The following CDK18 variants were observed in gnomAD, a reference collection of about 807,000 sequenced individuals.
CDK18 encodes cyclin dependent kinase 18, also known as cyclin-dependent kinase 18.
A neutral mutation model predicts 62.0 loss-of-function variants in CDK18; 52 were observed. The observed-to-expected ratio is 0.84, with a 90% CI of 0.67 to 1.06. The LOEUF is 1.06. Among genes scored for constraint, CDK18 ranks in the 50% least tolerant of loss-of-function variants. The pLI, the probability that CDK18 is intolerant of heterozygous loss-of-function variation, is 0.00. For synonymous variants in CDK18, 237 were observed against 247.0 expected, an observed-to-expected ratio of 0.96 and a Z score of 0.38; for missense variants, 604 against 619.9, an observed-to-expected ratio of 0.97 and a Z score of 0.27.
rs73074319 is a variant in CDK18, at chr1:205,525,203, G to T, written c.456+8G>T. The T allele has an allele frequency of 5.6e-6, 9 of 1,605,984 alleles. No individual in the cohort carries two copies. Among genetic ancestry groups the T allele is most frequent in the South Asian group, 1.1e-5 (1 of 90,404 alleles). ...CTGGACAAACTGGGAGAGGTAAGAC[G>T]CTGGGTTTGGTCTTCTCCGAATAGC... On this transcript the variant is annotated splice_region_variant and intron_variant, in intron 5 of 15. Coordinates refer to ENST00000429964, the MANE Select transcript of CDK18 (RefSeq NM_212502.3).
intron 1 of CDK18, among the ~76,000 whole-genome samples, chr1:205,507,015 C>A (rs529062971): frequency 6.6e-6 from 1 of 152,200 alleles, no homozygotes; most frequent in Non-Finnish European, 1.5e-5. Context: ...CCTACTTGGG[C>A]CGTCCCGCAC....
At chr1:205,520,116 A>G (rs1473915527) in intron 1 of CDK18, among the ~76,000 whole-genome samples, 1 of 151,772 alleles carries the variant, frequency 6.6e-6, no homozygotes. Context: ...CTTCCAGGAC[A>G]GAGAGACTTC....
At chr1:205,510,178 C>T (rs534836532) in intron 1 of CDK18, among the ~76,000 whole-genome samples, 2 of 152,132 alleles carry the variant, frequency 1.3e-5, no homozygotes, top group East Asian at 3.9e-4. Context: ...GATTACTGCC[C>T]TCACACCTTG....
Position 205,528,796 on chromosome 1 carries a change from G to A in CDK18, c.975-203G>A. On this transcript the variant is annotated intron_variant, in intron 10 of 15. Transcript: ENST00000429964. The surrounding 1 kb of genome is among the most constrained non-coding windows in gnomAD (Gnocchi z 4.2). Reference sequence around the variant, plus strand: ...AGAGTGAAAGTCGCAGCTTTCCCGAGCCCAGGGAAGCCCCCCAGAGAGGGG... The same window carrying A: ...AGAGTGAAAGTCGCAGCTTTCCCGAACCCAGGGAAGCCCCCCAGAGAGGGG... 1 of 471,782 alleles carries A rather than the reference G, an allele frequency of 2.1e-6. No individual in the cohort carries two copies. Among genetic ancestry groups the A allele is most frequent in the East Asian group, 3.2e-5 (1 of 31,664 alleles). The allele number at this position is 471,782 out of a possible 1,614,324, so 29.2% of individuals were successfully genotyped here. A position where few individuals can be genotyped will look rare whatever the true frequency, so the allele number is the denominator to read the frequency against.
chr1:205,529,228 C>T (rs1199984525), intron 11 of CDK18, 96 bp from the exon 12 acceptor site: 2 of 1,368,818 alleles, frequency 1.5e-6, no homozygotes, highest in East Asian at 4.8e-5. Context: ...GTGGCCTCGG[C>T]CATCTTTGCT....
chr1:205,531,574 T>G lies in CDK18; in HGVS notation c.*196T>G. ...GTGTGCCTCCCCAGTAGCCCTCACC[T>G]GCATACCAACCCCTCCTTTACCCAC... On this transcript the variant is annotated 3_prime_UTR_variant, in exon 16 of 16. Coordinates refer to ENST00000429964, the MANE Select transcript of CDK18 (RefSeq NM_212502.3). 1 of 606,430 alleles carries G rather than the reference T, an allele frequency of 1.6e-6. No homozygotes were observed. The highest frequency in any genetic ancestry group is 1.9e-5 in the South Asian group (1 of 52,078). 37.6% of individuals were successfully genotyped at this position (606,430 alleles called of 1,614,324 possible).
chr1:205,517,761 C>G lies in CDK18; in HGVS notation c.-21-5386C>G, dbSNP rs748178933. On this transcript the variant is annotated intron_variant, in intron 1 of 15. Transcript: ENST00000429964. This position sits in a 1 kb window ranked among gnomAD's most constrained non-coding sequence, Gnocchi z 4.1. ...ACTTCTCACCATCTCCACTGCCCCC[C>G]GCTGGTCCCAGCCACCATCAAGCTC... Among the ~76,000 whole-genome samples, 3 of 152,036 alleles carry G rather than the reference C, an allele frequency of 2.0e-5. No homozygotes were observed. Among genetic ancestry groups the G allele is most frequent in the African/African-American group, 4.8e-5 (2 of 41,386 alleles).
chr1:205,529,950 C>T lies in CDK18; in HGVS notation c.1222-309C>T. ...ATGAAGGGTTGTTATCGGCACTACG[C>T]TTCCTGTTACGGATGTTCTCCATCT... On this transcript the variant is annotated intron_variant, in intron 13 of 15. Coordinates refer to ENST00000429964, the MANE Select transcript of CDK18 (RefSeq NM_212502.3). 3 of 1,380,320 alleles carry T rather than the reference C, an allele frequency of 2.2e-6. No homozygotes were observed. In the East Asian group the frequency reaches 8.4e-5, roughly 39 times the overall value. 85.5% of individuals were successfully genotyped at this position (1,380,320 alleles called of 1,614,324 possible).
chr1:205,526,271 C>A, intron 6 of CDK18, 92 bp downstream of exon 6: 1 of 1,462,532 alleles, frequency 6.8e-7, no homozygotes, highest in Non-Finnish European at 9.6e-7. Flanking sequence ...GGTAGAGGAT[C>A]ATTGCTGGAA....
intron 5 of CDK18, 98 bp from the exon 6 acceptor site, chr1:205,525,967 C>A: frequency 1.3e-6 from 1 of 789,240 alleles, no homozygotes; most frequent in Non-Finnish European, 2.1e-6. Context: ...GCACTCAGGC[C>A]CCAGTCGTAG....
In CDK18 at chr1:205,526,347, G is replaced by A. The variant is rs759029921; in HGVS notation, c.572-20G>A. ...GACACATGGGGTCCTAGGGACCCAGGTGGATCTGTCTCCTCACAGTGTCTC... is the reference window on the plus strand; with the variant it reads ...GACACATGGGGTCCTAGGGACCCAGATGGATCTGTCTCCTCACAGTGTCTC... On this transcript the variant is annotated intron_variant, in intron 6 of 15. Coordinates refer to ENST00000429964, the MANE Select transcript of CDK18 (RefSeq NM_212502.3). The A allele has an allele frequency of 3.1e-6, 5 of 1,603,306 alleles. No individual in the cohort carries two copies. The highest frequency in any genetic ancestry group is 3.4e-6 in the Non-Finnish European group (4 of 1,170,262).
At chr1:205,510,105 T>C (rs1667496245) in intron 1 of CDK18, among the ~76,000 whole-genome samples, 1 of 151,250 alleles carries the variant, frequency 6.6e-6, no homozygotes, top group South Asian at 2.1e-4. Flanking sequence ...ATTTCTACCC[T>C]CCCTCACTCT....
chr1:205,530,833 G>A (rs1475008129), intron 15 of CDK18, 128 bp downstream of exon 15: 2 of 742,470 alleles, frequency 2.7e-6, no homozygotes, highest in Non-Finnish European at 4.7e-6. Context: ...GGGGAGCAGA[G>A]AAGGGGTTGG....
At chr1:205,521,582 T>TG (rs1668129493) in intron 1 of CDK18, among the ~76,000 whole-genome samples, 1 of 152,158 alleles carries the variant, frequency 6.6e-6, no homozygotes, top group Non-Finnish European at 1.5e-5. Context: ...TGCCTAGCAC[T>TG]GCAGACCCGA....
chr1:205,507,983 G>A (rs1667393778), intron 1 of CDK18, among the ~76,000 whole-genome samples: 1 of 152,212 alleles, frequency 6.6e-6, no homozygotes, highest in African/African-American at 2.4e-5. Context: ...GGCAGGCACT[G>A]GGAGCTGGAG....
In CDK18 at chr1:205,526,164, A is replaced by T. The variant is rs1247092721; in HGVS notation, c.556A>T (p.Thr186Ser). Residue 186 changes from threonine (T) to serine (S), a missense_variant, in exon 6 of 16, where the codon ACT becomes TCT. Thr to Ser is a moderately conservative substitution (Grantham distance 58, BLOSUM62 1). Transcript: ENST00000429964. ...RLEHEEGAPC[T>S]AIREVSLLKN... ...GGAGCACGAGGAGGGAGCGCCCTGC[A>T]CTGCCATCCGAGAGGGTACAGCATC... is the stretch of plus-strand genomic sequence containing the variant. The T allele has an allele frequency of 9.9e-6, 16 of 1,613,626 alleles. No homozygotes were observed. Among genetic ancestry groups the T allele is most frequent in the South Asian group, 7.7e-5 (7 of 91,042 alleles).
intron 1 of CDK18, among the ~76,000 whole-genome samples, chr1:205,513,253 G>A (rs1213991937): frequency 6.6e-6 from 1 of 152,226 alleles, no homozygotes; most frequent in Non-Finnish European, 1.5e-5. Flanking sequence ...GGGCTCCTCT[G>A]GCTGGGAGAG....
rs749808161 is a variant in CDK18, at chr1:205,526,814, C to G, written c.706C>G (p.Leu236Val). ...GCAGTATCTGGACCACTGTGGGAAC[C>G]TCATGAGCATGCACAACGTCAAGGT... ...LKQYLDHCGN[L>V]MSMHNVKIFM... Residue 236 changes from leucine to valine, a missense_variant, in exon 8 of 16, where the codon CTC (leucine) becomes GTC (valine). Transcript: ENST00000429964. The G allele has an allele frequency of 6.2e-7, 1 of 1,613,990 alleles. No homozygotes were observed. Among genetic ancestry groups the G allele is most frequent in the South Asian group, 1.1e-5 (1 of 91,088 alleles).
In CDK18 at chr1:205,527,154, C is replaced by T. The variant is rs1668476646; in HGVS notation, c.729+317C>T. ...AAATGCAGGGAGGCTTCTGGGGAAGCTCGGGGTTATGAATGACCTCTCCTG... is the reference window on the plus strand; with the variant it reads ...AAATGCAGGGAGGCTTCTGGGGAAGTTCGGGGTTATGAATGACCTCTCCTG... On this transcript the variant is annotated intron_variant, in intron 8 of 15. Coordinates refer to ENST00000429964, the MANE Select transcript of CDK18 (RefSeq NM_212502.3). This position sits in a 1 kb window ranked among gnomAD's most constrained non-coding sequence, Gnocchi z 4.1. 3 of 377,368 alleles carry T rather than the reference C, an allele frequency of 7.9e-6. No individual in the cohort carries two copies. In the Admixed American group the frequency reaches 1.2e-4, roughly 15 times the overall value. The allele number at this position is 377,368 out of a possible 1,614,324, so 23.4% of individuals were successfully genotyped here. A position where few individuals can be genotyped will look rare whatever the true frequency, so the allele number is the denominator to read the frequency against.
Sources: allele counts gnomAD v4.1 joint callset (sites outside exome capture counted in the v4.1 genomes callset), GRCh38; gene constraint gnomAD v4.1.1; non-coding constraint Gnocchi (gnomAD v3.1); transcripts MANE v1.5; gene names NCBI Gene and HGNC (gene_info 2026-07-23, HGNC 2026-07-21).